The following PLCB1 variants were observed in gnomAD, a reference collection of about 807,000 sequenced individuals.
The protein encoded by PLCB1 is 1-phosphatidylinositol 4,5-bisphosphate phosphodiesterase beta-1.
In PLCB1, 46 loss-of-function variants were observed where a neutral mutation model predicts 161.8. That is an observed-to-expected ratio of 0.28 (90% confidence interval 0.22 to 0.36). The LOEUF (loss-of-function observed/expected upper bound fraction) is 0.36. Among genes scored for constraint, PLCB1 ranks in the 10% least tolerant of loss-of-function variants. The pLI, the probability that PLCB1 is intolerant of heterozygous loss-of-function variation, is 1.00. For synonymous variants in PLCB1, 517 were observed against 503.7 expected (o/e 1.03, Z -0.35); for missense variants, 1,016 against 1,472.5 (o/e 0.69, Z 5.07).
intron 2 of PLCB1, among the ~76,000 whole-genome samples, chr20:8,346,798 A>G (rs112570416): frequency 1.3e-5 from 2 of 152,328 alleles, no homozygotes; most frequent in African/African-American, 2.4e-5. Context: ...AGCAAATAGT[A>G]GGAGTTATGT....
intron 3 of PLCB1, among the ~76,000 whole-genome samples, chr20:8,594,013 T>C (rs1427685839): frequency 1.3e-5 from 2 of 152,132 alleles, no homozygotes; most frequent in African/African-American, 4.8e-5. Context: ...GCCTCCTAAG[T>C]AGCTGAGAGT....
intron 3 of PLCB1, among the ~76,000 whole-genome samples, chr20:8,379,127 G>A (rs933318860): frequency 6.6e-6 from 1 of 151,750 alleles, no homozygotes; most frequent in South Asian, 2.1e-4. Flanking sequence ...ACAGGCCCTG[G>A]TTTGTGACAT....
intron 3 of PLCB1, among the ~76,000 whole-genome samples, chr20:8,426,296 C>A (rs958749279): frequency 6.6e-6 from 1 of 152,172 alleles, no homozygotes; most frequent in Admixed American, 6.5e-5. Context: ...AAAAAAAGTT[C>A]TATTTCTTTT....
intron 2 of PLCB1, among the ~76,000 whole-genome samples, chr20:8,239,526 G>A (rs2123200921): frequency 6.6e-6 from 1 of 151,728 alleles, no homozygotes; most frequent in Non-Finnish European, 1.5e-5. Context: ...TTTGTCTCTA[G>A]TAAATTGCAT....
At position 8,717,834 on chromosome 20, in the gene PLCB1, C is replaced by T; in HGVS notation, c.1499C>T (p.Ser500Leu). ...GACTCCTCCAGCATGTTCGAGCCCTCATCCCCAGGAGCCGGTGAGGGGCTG... is the reference window on the plus strand; with the variant it reads ...GACTCCTCCAGCATGTTCGAGCCCTTATCCCCAGGAGCCGGTGAGGGGCTG... ...YSDSSSMFEP[S>L]SPGAGEADTE... Residue 500 changes from serine (S) to leucine (L), a missense_variant, in exon 14 of 32, where the codon TCA becomes TTA. Ser to Leu is a moderately radical substitution (Grantham distance 145). Coordinates refer to ENST00000338037, the MANE Select transcript of PLCB1 (RefSeq NM_015192.4). 6.2e-7 allele frequency: 1 copy of T among 1,605,266 alleles called. No homozygotes were observed. The highest frequency in any genetic ancestry group is 8.5e-7 in the Non-Finnish European group (1 of 1,177,814).
chr20:8,189,923 G>A (rs1241849810), intron 2 of PLCB1, among the ~76,000 whole-genome samples: 5 of 152,040 alleles, frequency 3.3e-5, no homozygotes, highest in Admixed American at 1.3e-4. Flanking sequence ...GTGTGAAAAA[G>A]CAGGAGAAAG....
At position 8,132,797 on chromosome 20, in the gene PLCB1, G is replaced by A; in HGVS notation, c.99+47G>A. 1 of 1,405,712 alleles carries A rather than the reference G, an allele frequency of 7.1e-7. No individual in the cohort carries two copies. The highest frequency in any genetic ancestry group is 1.2e-5 in the South Asian group (1 of 84,808). The allele number at this position is 1,405,712 out of a possible 1,614,324, so 87.1% of individuals were successfully genotyped here. ...GTCGGGGCGCTGGCTCGGGCACCGGGCAGGGCGGGCGTCGTGGGGGTGGGG... is the reference window on the plus strand; with the variant it reads ...GTCGGGGCGCTGGCTCGGGCACCGGACAGGGCGGGCGTCGTGGGGGTGGGG... On this transcript the variant is annotated intron_variant, in intron 1 of 31. Transcript: ENST00000338037. The surrounding 1 kb of genome is among the most constrained non-coding windows in gnomAD (Gnocchi z 5.2).
intron 31 of PLCB1, chr20:8,792,524 A>G: frequency 2.1e-6 from 1 of 470,352 alleles, no homozygotes; most frequent in Non-Finnish European, 4.4e-6. Flanking sequence ...CCTTGGAAAG[A>G]GATCTGAAGT....
chr20:8,607,821 T>C (rs1022456711), intron 3 of PLCB1, among the ~76,000 whole-genome samples: 2 of 152,178 alleles, frequency 1.3e-5, no homozygotes, highest in African/African-American at 4.8e-5. Context: ...AATGAATGGA[T>C]ATAGTCAGAA....
chr20:8,546,093 G>T (rs1030519706), intron 3 of PLCB1, among the ~76,000 whole-genome samples: 11 of 152,072 alleles, frequency 7.2e-5, no homozygotes, highest in African/African-American at 2.7e-4. Context: ...GAGGCGGACG[G>T]ATCACGAGGT....
chr20:8,378,400 G>T (rs1007553773), intron 3 of PLCB1, among the ~76,000 whole-genome samples: 1 of 152,204 alleles, frequency 6.6e-6, no homozygotes, highest in Non-Finnish European at 1.5e-5. Flanking sequence ...CCCACTGCAT[G>T]TAAAAGTTAT....
intron 3 of PLCB1, among the ~76,000 whole-genome samples, chr20:8,457,714 G>GCGCGCACACACACACACA (rs1555808428): frequency 6.9e-6 from 1 of 145,768 alleles, no homozygotes; most frequent in African/African-American, 2.6e-5. Flanking sequence ...ATGTGTGCGC[G>GCGCGCACACACACACACA]CACACACACA....
intron 2 of PLCB1, among the ~76,000 whole-genome samples, chr20:8,318,345 A>G (rs1984754584): frequency 6.6e-6 from 1 of 152,198 alleles, no homozygotes; most frequent in Non-Finnish European, 1.5e-5. Context: ...GAAACTTTCA[A>G]ATAATGTAAT....
intron 2 of PLCB1, among the ~76,000 whole-genome samples, chr20:8,308,823 T>TA (rs1052262572): frequency 2.0e-5 from 3 of 152,050 alleles, no homozygotes; most frequent in African/African-American, 7.2e-5. Context: ...GTAATAATAA[T>TA]AAAAAATAAT....
chr20:8,759,316 G>A (rs988996246), intron 24 of PLCB1, among the ~76,000 whole-genome samples: 1 of 152,158 alleles, frequency 6.6e-6, no homozygotes, highest in Non-Finnish European at 1.5e-5. Flanking sequence ...ACTTGGTTAA[G>A]GTGGTTTCTC....
At chr20:8,449,736 C>T (rs1980991305) in intron 3 of PLCB1, among the ~76,000 whole-genome samples, 2 of 152,212 alleles carry the variant, frequency 1.3e-5, no homozygotes, top group African/African-American at 4.8e-5. Flanking sequence ...TTCCCTATCT[C>T]ATTGTCTATG....
At chr20:8,605,876 TGTAA>T (rs67340405) in intron 3 of PLCB1, among the ~76,000 whole-genome samples, 45,061 of 151,690 alleles carry the variant, frequency 0.3, 8,159 homozygotes, top group Non-Finnish European at 0.4. Flanking sequence ...AGCTCTCGCT[TGTAA>T]GTGAGAACAT....
intron 31 of PLCB1, among the ~76,000 whole-genome samples, chr20:8,844,225 T>G (rs1168833867): frequency 2.6e-5 from 4 of 152,238 alleles, no homozygotes; most frequent in Admixed American, 1.3e-4. Flanking sequence ...GTTGTCCTTT[T>G]GTTTGCCGTT....
chr20:8,752,619 C>A (rs1600299146), intron 23 of PLCB1, among the ~76,000 whole-genome samples: 1 of 151,860 alleles, frequency 6.6e-6, no homozygotes. Flanking sequence ...ATGGTGAAAC[C>A]CCGTCTCTAC....
Sources: allele counts gnomAD v4.1 joint callset (sites outside exome capture counted in the v4.1 genomes callset), GRCh38; gene constraint gnomAD v4.1.1; non-coding constraint Gnocchi (gnomAD v3.1); transcripts MANE v1.5; gene names NCBI Gene and HGNC (gene_info 2026-07-23, HGNC 2026-07-21).